Variants in IL1RAPL2 observed in about 807,000 individuals in gnomAD.
IL1RAPL2 encodes interleukin 1 receptor accessory protein like 2, also known as X-linked interleukin-1 receptor accessory protein-like 2.
In IL1RAPL2, 3 loss-of-function variants were observed where a neutral mutation model predicts 44.1. The observed-to-expected ratio is 0.07, with a 90% CI of 0.03 to 0.18. The LOEUF (loss-of-function observed/expected upper bound fraction) is 0.18, where lower values mean the gene tolerates loss of function less well. Ranked by LOEUF, IL1RAPL2 falls within the 10% of genes least tolerant of loss-of-function variation. IL1RAPL2 has a pLI of 1.00. For synonymous variants in IL1RAPL2, 181 were observed against 178.8 expected (o/e 1.01, Z -0.10); for missense variants, 391 against 496.4 (o/e 0.79, Z 2.02).
chrX:105,607,921 A>G (rs930613739), intron 6 of IL1RAPL2, among the ~76,000 whole-genome samples: 8 of 110,733 alleles, frequency 7.2e-5, no homozygotes, highest in Admixed American at 4.8e-4. Context: ...TAGGGGAATA[A>G]TATAATCAGC....
Position 105,173,451 on chromosome X carries a change from G to T in IL1RAPL2, c.83-22024G>T, listed in dbSNP as rs1450861252. On this transcript the variant is annotated intron_variant, in intron 2 of 10. Coordinates refer to ENST00000372582, the MANE Select transcript of IL1RAPL2 (RefSeq NM_017416.2). ...GAAAGAAAGTAGCCAGGCCTCTGTT[G>T]TCTGGTGGGAGGAAGGTACACTGAA... Among the ~76,000 whole-genome samples the T allele has an allele frequency of 2.7e-5, 3 of 111,900 alleles. No homozygotes were observed. The East Asian group carries it at 8.5e-4, about 32-fold the overall frequency.
rs375182639 is a variant in IL1RAPL2, at chrX:104,717,762, C to A, written c.82+58767C>A. Among the ~76,000 whole-genome samples, 7 of 109,066 alleles carry A rather than the reference C, an allele frequency of 6.4e-5. No homozygotes were observed. The South Asian group carries it at 1.2e-3, about 19-fold the overall frequency. 94.7% of individuals were successfully genotyped at this position (109,066 alleles called of 115,157 possible). A position where few individuals can be genotyped will look rare whatever the true frequency, so the allele number is the denominator to read the frequency against. On this transcript the variant is annotated intron_variant, in intron 2 of 10. Coordinates refer to ENST00000372582, the MANE Select transcript of IL1RAPL2 (RefSeq NM_017416.2). ...CTCTCCTAATGCTATCTCCCCCCCCCACCCCACAACAGTCCCCGGTGTGTG... is the reference window on the plus strand; with the variant it reads ...CTCTCCTAATGCTATCTCCCCCCCCAACCCCACAACAGTCCCCGGTGTGTG...
intron 2 of IL1RAPL2, among the ~76,000 whole-genome samples, chrX:105,170,149 GGA>G (rs995006083): frequency 6.3e-5 from 7 of 110,921 alleles, no homozygotes; most frequent in African/African-American, 2.3e-4. Context: ...TAAAACAAAG[GGA>G]GAGAGTCTTT....
intron 2 of IL1RAPL2, among the ~76,000 whole-genome samples, chrX:104,934,870 G>A (rs1752224071): frequency 9.0e-6 from 1 of 111,720 alleles, no homozygotes; most frequent in Admixed American, 9.5e-5. Context: ...TAAATAATAC[G>A]AAATAACAGC....
At chrX:104,641,197 G>A (rs1330564454) in intron 1 of IL1RAPL2, among the ~76,000 whole-genome samples, 2 of 111,791 alleles carry the variant, frequency 1.8e-5, no homozygotes, top group Non-Finnish European at 3.8e-5. Flanking sequence ...GCCAGCTGAG[G>A]TGGTAGTGGC....
At chrX:104,758,060 C>G (rs778382240) in intron 2 of IL1RAPL2, among the ~76,000 whole-genome samples, 9 of 111,722 alleles carry the variant, frequency 8.1e-5, no homozygotes, top group Admixed American at 2.8e-4. Context: ...AATATGAAGA[C>G]CTGGGGACAG....
chrX:104,956,804 A>C (rs1433497868), intron 2 of IL1RAPL2, among the ~76,000 whole-genome samples: 1 of 111,392 alleles, frequency 9.0e-6, no homozygotes, highest in East Asian at 2.8e-4. Context: ...CACTAAGAGC[A>C]GTTCTGGTTT....
Position 104,982,579 on chromosome X carries a change from T to C in IL1RAPL2, c.83-212896T>C, listed in dbSNP as rs771646971. Among the ~76,000 whole-genome samples the C allele has an allele frequency of 2.7e-5, 3 of 111,206 alleles. No homozygotes were observed. In the South Asian group the frequency reaches 1.1e-3, roughly 42 times the overall value. ...TTGTCAGGTTGAAATGAATAAAAGT[T>C]TATAATATACAGGCAAATATAAATG... On this transcript the variant is annotated intron_variant, in intron 2 of 10. Transcript: ENST00000372582.
chrX:105,236,196 T>C (rs545987932), intron 4 of IL1RAPL2, among the ~76,000 whole-genome samples: 1 of 112,350 alleles, frequency 8.9e-6, no homozygotes, highest in South Asian at 3.7e-4. Flanking sequence ...TCTTACTTTC[T>C]GCTAACTTCT....
chrX:104,692,873 C>T (rs1931115255), intron 2 of IL1RAPL2, among the ~76,000 whole-genome samples: 1 of 111,474 alleles, frequency 9.0e-6, no homozygotes, highest in Non-Finnish European at 1.9e-5. Context: ...AATGGGATGG[C>T]TGGGTCAAAT....
At chrX:105,277,963 A>G (rs998071522) in intron 5 of IL1RAPL2, among the ~76,000 whole-genome samples, 7 of 111,286 alleles carry the variant, frequency 6.3e-5, no homozygotes, top group African/African-American at 2.3e-4. Flanking sequence ...TCAACCTATG[A>G]CACAGGGCTA....
intron 5 of IL1RAPL2, among the ~76,000 whole-genome samples, chrX:105,289,268 A>G (rs1404559961): frequency 9.1e-6 from 1 of 110,443 alleles, no homozygotes; most frequent in Admixed American, 9.8e-5. Context: ...GGATCAGATC[A>G]TGTAGGGCTA....
At chrX:105,682,688 T>C (rs985125534) in intron 6 of IL1RAPL2, among the ~76,000 whole-genome samples, 1 of 112,287 alleles carries the variant, frequency 8.9e-6, no homozygotes, top group African/African-American at 3.2e-5. Flanking sequence ...AGGCTCAGCA[T>C]CTTTTCTGAT....
chrX:105,216,596 AAAC>A (rs1315117044), intron 3 of IL1RAPL2, among the ~76,000 whole-genome samples: 7 of 111,556 alleles, frequency 6.3e-5, no homozygotes, highest in Admixed American at 3.8e-4. Context: ...AGAAAAAAAA[AAAC>A]TACTTTAAAT....
intron 6 of IL1RAPL2, among the ~76,000 whole-genome samples, chrX:105,517,256 T>C (rs1055046338): frequency 2.7e-5 from 3 of 111,713 alleles, no homozygotes; most frequent in African/African-American, 9.7e-5. Flanking sequence ...AAGACAATCA[T>C]ACAAATAACA....
intron 3 of IL1RAPL2, among the ~76,000 whole-genome samples, chrX:105,214,336 ACAGAGTTTAAAC>A (rs1224513764): frequency 2.0e-5 from 2 of 100,067 alleles, no homozygotes; most frequent in Non-Finnish European, 3.9e-5. Flanking sequence ...CTCTGATAAA[ACAGAGTTTAAAC>A]CAACAAAGAT....
rs774231857 is a variant in IL1RAPL2, at chrX:105,641,833, C to T, written c.773-75534C>T. ...GTTTTGAGGTGCTTGGTGGATCACCCATATATGGACATCCAGTATGTAATT... is the reference window on the plus strand; with the variant it reads ...GTTTTGAGGTGCTTGGTGGATCACCTATATATGGACATCCAGTATGTAATT... On this transcript the variant is annotated intron_variant, in intron 6 of 10. Transcript: ENST00000372582. 5.3e-4 allele frequency among the ~76,000 whole-genome samples: 59 copies of T among 111,384 alleles called. 1 individual carries two copies. The highest frequency in any genetic ancestry group is 1.9e-3 in the African/African-American group (58 of 30,603).
chrX:105,603,897 G>A (rs2037273340), intron 6 of IL1RAPL2, among the ~76,000 whole-genome samples: 1 of 111,242 alleles, frequency 9.0e-6, no homozygotes, highest in African/African-American at 3.3e-5. Flanking sequence ...AAATTAAACA[G>A]TATTCTACTT....
At chrX:104,662,364 A>G (rs1034087227) in intron 2 of IL1RAPL2, among the ~76,000 whole-genome samples, 1 of 112,020 alleles carries the variant, frequency 8.9e-6, no homozygotes, top group Non-Finnish European at 1.9e-5. Flanking sequence ...ATTTAATTTT[A>G]AGGACTATAG....
Sources: allele counts gnomAD v4.1 joint callset (sites outside exome capture counted in the v4.1 genomes callset), GRCh38; gene constraint gnomAD v4.1.1; transcripts MANE v1.5; gene names NCBI Gene and HGNC (gene_info 2026-07-23, HGNC 2026-07-21).